The following TRIM24 variants were observed in gnomAD, a reference collection of about 807,000 sequenced individuals.
TRIM24 encodes the protein tripartite motif containing 24.
In TRIM24, 29 loss-of-function variants were observed where a neutral mutation model predicts 123.9. The ratio of observed to expected loss-of-function variants is 0.23; its 90% CI spans 0.17 to 0.32. The LOEUF is 0.32. Ranked by LOEUF, TRIM24 falls within the 10% of genes least tolerant of loss-of-function variation. The probability of loss-of-function intolerance (pLI) is 1.00; values close to 1 mark genes in which losing one functional copy is unlikely to be tolerated. For missense variants in TRIM24, 932 were observed against 1,295.3 expected (o/e 0.72, Z 4.31); for synonymous variants, 456 against 461.1 (o/e 0.99, Z 0.14).
intron 2 of TRIM24, chr7:138,514,956 ATGT>A (rs1796366002): frequency 3.0e-6 from 1 of 331,252 alleles, no homozygotes; most frequent in Non-Finnish European, 5.6e-6. Flanking sequence ...ACCTAGCATA[ATGT>A]TTGGGAAATA....
At chr7:138,533,342 TG>T (rs1400343755) in intron 6 of TRIM24, among the ~76,000 whole-genome samples, 1 of 152,234 alleles carries the variant, frequency 6.6e-6, no homozygotes, top group Non-Finnish European at 1.5e-5. Flanking sequence ...AGTATGATAT[TG>T]ACTGTGGGTT....
chr7:138,467,501 C>G (rs889375847), intron 1 of TRIM24, among the ~76,000 whole-genome samples: 4 of 152,072 alleles, frequency 2.6e-5, no homozygotes, highest in Non-Finnish European at 4.4e-5. Flanking sequence ...GCCACTACGC[C>G]CAGCTGATTT....
intron 8 of TRIM24, 152 bp downstream of exon 8, chr7:138,551,332 A>C (rs1797206700): frequency 2.8e-6 from 2 of 711,858 alleles, no homozygotes; most frequent in African/African-American, 3.5e-5. Flanking sequence ...GGATCACTTG[A>C]GCCCAGGAGT....
chr7:138,478,275 AAAG>A (rs1337985537), intron 1 of TRIM24, among the ~76,000 whole-genome samples: 1 of 152,154 alleles, frequency 6.6e-6, no homozygotes, highest in African/African-American at 2.4e-5. Context: ...TGTAATTTAA[AAAG>A]AAATTGGTTT....
At chr7:138,474,428 C>G (rs1584686039) in intron 1 of TRIM24, among the ~76,000 whole-genome samples, 1 of 151,960 alleles carries the variant, frequency 6.6e-6, no homozygotes, top group Admixed American at 6.6e-5. Flanking sequence ...CCCGGCCTAT[C>G]TTGTACTTTT....
chr7:138,569,305 C>G (rs1207273751), intron 10 of TRIM24, among the ~76,000 whole-genome samples: 2 of 151,512 alleles, frequency 1.3e-5, no homozygotes, highest in Admixed American at 6.6e-5. Flanking sequence ...GGTTGTTGAC[C>G]AAAAATGTAA....
intron 5 of TRIM24, among the ~76,000 whole-genome samples, chr7:138,525,908 A>G (rs966558557): frequency 1.6e-4 from 24 of 152,192 alleles, no homozygotes; most frequent in East Asian, 1.9e-4. Context: ...AAAATCATCA[A>G]CTGTCCAAAG....
chr7:138,558,210 CAGG>C (rs1347453268), intron 9 of TRIM24, among the ~76,000 whole-genome samples: 2 of 152,130 alleles, frequency 1.3e-5, no homozygotes, highest in Non-Finnish European at 1.5e-5. Context: ...AGAGGGGAAA[CAGG>C]AGAATGGACT....
At position 138,587,751 on chromosome 7, in the gene TRIM24, C is replaced by G. The variant is rs910481733; in HGVS notation, c.*2800C>G. The G allele has an allele frequency of 6.6e-6, 1 of 152,194 alleles. No individual in the cohort carries two copies. Among genetic ancestry groups the G allele is most frequent in the South Asian group, 2.1e-4 (1 of 4,830 alleles). 9.4% of individuals were successfully genotyped at this position (152,194 alleles called of 1,614,324 possible). A position where few individuals can be genotyped will look rare whatever the true frequency, so the allele number is the denominator to read the frequency against. ...CGTAGGAGCTAGGATTTACTCAGTTCCACCTCACTGACAGCTTTTCTAGGT... is the reference window on the plus strand; with the variant it reads ...CGTAGGAGCTAGGATTTACTCAGTTGCACCTCACTGACAGCTTTTCTAGGT... On this transcript the variant is annotated 3_prime_UTR_variant, in exon 19 of 19. Transcript: ENST00000343526.
chr7:138,495,627 TTA>T (rs954826064), intron 1 of TRIM24, among the ~76,000 whole-genome samples: 12 of 152,152 alleles, frequency 7.9e-5, no homozygotes, highest in Admixed American at 7.9e-4. Flanking sequence ...TATCTTTTTT[TTA>T]TAGGGATGGG....
intron 1 of TRIM24, among the ~76,000 whole-genome samples, chr7:138,494,651 A>G (rs762089806): frequency 7.2e-5 from 11 of 152,164 alleles, no homozygotes. Context: ...AACTAAAACT[A>G]TACCAATATA....
chr7:138,498,783 C>T (rs887483734), intron 1 of TRIM24, among the ~76,000 whole-genome samples: 1 of 151,656 alleles, frequency 6.6e-6, no homozygotes, highest in Non-Finnish European at 1.5e-5. Flanking sequence ...TATAGGCATG[C>T]ACCACCATGC....
intron 1 of TRIM24, among the ~76,000 whole-genome samples, chr7:138,470,160 C>A (rs941497222): frequency 2.7e-5 from 3 of 112,448 alleles, no homozygotes; most frequent in Admixed American, 2.6e-4. Flanking sequence ...GAGATGGAGT[C>A]TCTCTCTGTC....
intron 1 of TRIM24, among the ~76,000 whole-genome samples, chr7:138,467,999 A>G (rs989943444): frequency 6.6e-6 from 1 of 151,836 alleles, no homozygotes; most frequent in Non-Finnish European, 1.5e-5. Context: ...ATGTCTTCTT[A>G]TTGCACCAGC....
chr7:138,579,319 G>T lies in TRIM24; in HGVS notation c.2372G>T (p.Gly791Val). The change falls in exon 15 of 19, where the codon GGA (glycine) becomes GTA (valine). Residue 791 changes from glycine to valine, a missense_variant. Physicochemically the swap from Gly to Val is moderately radical, Grantham distance 109. Coordinates refer to ENST00000343526, the MANE Select transcript of TRIM24 (RefSeq NM_015905.3). ...CCTGATAGTACAGGAGATCAACCTG[G>T]ACTTCACCAGGACAATTCCTCAAAT... ...DAPDSTGDQP[G>V]LHQDNSSNGK... 6.2e-7 allele frequency: 1 copy of T among 1,614,138 alleles called. No individual in the cohort carries two copies. Among genetic ancestry groups the T allele is most frequent in the Non-Finnish European group, 8.5e-7 (1 of 1,180,016 alleles).
chr7:138,460,569 G>T lies in TRIM24; in HGVS notation c.21G>T (p.Lys7Asn), dbSNP rs1373087074. Residue 7 changes from lysine (K) to asparagine (N), a missense_variant, in exon 1 of 19, where the codon AAG becomes AAT. Physicochemically the swap from Lys to Asn is moderately conservative, Grantham distance 94 (BLOSUM62 0). This residue lies in a region of TRIM24 where 164 missense variants were observed against 181.9 expected (regional missense o/e 0.90). Transcript: ENST00000343526. Reference sequence around the variant, plus strand: ...GGACAATGGAGGTGGCGGTGGAGAAGGCGGTGGCGGCGGCGGCAGCGGCCT... The same window carrying T: ...GGACAATGGAGGTGGCGGTGGAGAATGCGGTGGCGGCGGCGGCAGCGGCCT... MEVAVE[K>N]AVAAAAAASA... is the part of the protein sequence containing the mutation. 1.5e-6 allele frequency: 2 copies of T among 1,313,194 alleles called. No homozygotes were observed. The highest frequency in any genetic ancestry group is 1.5e-5 in the African/African-American group (1 of 64,848). The allele number at this position is 1,313,194 out of a possible 1,614,324, so 81.3% of individuals were successfully genotyped here.
chr7:138,484,667 G>T (rs1795607021), intron 1 of TRIM24, among the ~76,000 whole-genome samples: 1 of 152,006 alleles, frequency 6.6e-6, no homozygotes, highest in Non-Finnish European at 1.5e-5. Context: ...CTGCCCTTAT[G>T]AATTTTTTTG....
chr7:138,529,089 T>A (rs1796673323), intron 5 of TRIM24, 27 bp from the exon 6 acceptor site: 2 of 1,408,834 alleles, frequency 1.4e-6, no homozygotes, highest in Middle Eastern at 4.1e-4. Context: ...AAAACTGCCT[T>A]ATGTTTTTCC....
At position 138,460,508 on chromosome 7, in the gene TRIM24, G is replaced by T; in HGVS notation, c.-41G>T. The T allele has an allele frequency of 7.9e-7, 1 of 1,260,956 alleles. No individual in the cohort carries two copies. Among genetic ancestry groups the T allele is most frequent in the South Asian group, 3.4e-5 (1 of 29,780 alleles). The allele number at this position is 1,260,956 out of a possible 1,614,324, so 78.1% of individuals were successfully genotyped here. ...GAGGTCGTCGGGGGCGGCGGGCGGAGACCGCGCTCTCGCTTCCCCGGCGGC... is the reference window on the plus strand; with the variant it reads ...GAGGTCGTCGGGGGCGGCGGGCGGATACCGCGCTCTCGCTTCCCCGGCGGC... On this transcript the variant is annotated 5_prime_UTR_variant, in exon 1 of 19. Coordinates refer to ENST00000343526, the MANE Select transcript of TRIM24 (RefSeq NM_015905.3).
Sources: allele counts gnomAD v4.1 joint callset (sites outside exome capture counted in the v4.1 genomes callset), GRCh38; gene constraint gnomAD v4.1.1; regional missense constraint gnomAD v4.1.1; transcripts MANE v1.5; gene names NCBI Gene and HGNC (gene_info 2026-07-23, HGNC 2026-07-21).